HMBOX1: variants seen among roughly 807,000 people sequenced by gnomAD.
HMBOX1 encodes the protein homeobox containing 1, also known as homeobox-containing protein 1.
In HMBOX1, 14 loss-of-function variants were observed where a neutral mutation model predicts 54.5. The ratio of observed to expected loss-of-function variants is 0.26; its 90% confidence interval spans 0.17 to 0.40. HMBOX1 has a LOEUF of 0.40. Among genes scored for constraint, HMBOX1 ranks in the 10% least tolerant of loss-of-function variants. The pLI, the probability that HMBOX1 is intolerant of heterozygous loss-of-function variation, is 1.00. For missense variants in HMBOX1, 332 were observed against 514.4 expected, an observed-to-expected ratio of 0.65 and a Z score of 3.43; for synonymous variants, 160 against 181.0, an observed-to-expected ratio of 0.88 and a Z score of 0.93.
In HMBOX1 at chr8:28,979,757, T is replaced by C. The variant is rs74602934; in HGVS notation, c.501-314T>C. Among the ~76,000 whole-genome samples, 494 of 152,332 alleles carry C rather than the reference T, an allele frequency of 3.2e-3. 3 individuals are homozygous for C. Among genetic ancestry groups the C allele is most frequent in the African/African-American group, 0.011 (469 of 41,572 alleles). On this transcript the variant is annotated intron_variant, in intron 3 of 9. Coordinates refer to ENST00000287701, the MANE Select transcript of HMBOX1 (RefSeq NM_001135726.3). ...TTCATTCCCCAGTAATGAAACTTTG[T>C]ATATACCATATGACAGCCTTGTTCC...
At chr8:29,025,414 G>C (rs1312333718) in intron 6 of HMBOX1, among the ~76,000 whole-genome samples, 1 of 152,180 alleles carries the variant, frequency 6.6e-6, no homozygotes, top group Non-Finnish European at 1.5e-5. Flanking sequence ...TTAGGAATTA[G>C]TCACAGCTTC....
At chr8:28,987,751 C>T (rs969769794) in intron 4 of HMBOX1, among the ~76,000 whole-genome samples, 2 of 152,154 alleles carry the variant, frequency 1.3e-5, no homozygotes, top group African/African-American at 4.8e-5. Context: ...AACCAAACTA[C>T]AGCTGAGGGC....
chr8:28,970,329 A>C lies in HMBOX1; in HGVS notation c.310A>C (p.Ser104Arg). 6.2e-7 allele frequency: 1 copy of C among 1,614,208 alleles called. No homozygotes were observed. Among genetic ancestry groups the C allele is most frequent in the Non-Finnish European group, 8.5e-7 (1 of 1,180,022 alleles). Residue 104 changes from serine (S) to arginine (R), a missense_variant, in exon 3 of 10, where the codon AGT becomes CGT. Transcript: ENST00000287701. The surrounding 1 kb of genome is among the most constrained non-coding windows in gnomAD (Gnocchi z 4.3). ...GGGAATGTCCCCGTCACCTAGCAAC[A>C]GTTATGATACTTCCCCACAGCCTTG... ...HSGMSPSPSN[S>R]YDTSPQPCTT...
Position 28,970,064 on chromosome 8 carries a change from T to C in HMBOX1, c.45T>C (p.His15=), listed in dbSNP as rs1422775367. 6.2e-7 allele frequency: 1 copy of C among 1,611,732 alleles called. No individual in the cohort carries two copies. Among genetic ancestry groups the C allele is most frequent in the Non-Finnish European group, 8.5e-7 (1 of 1,177,944 alleles). ...TTAGTTTGCTGGAAACCATGTCTCA[T>C]TATACAGATGAACCCAGATTTACCA... is the stretch of plus-strand genomic sequence containing the variant. ...FPVVLLETMS[H]YTDEPRFTIE... is the part of the protein sequence containing the mutation. The change falls in exon 3 of 10, where the codon CAT becomes CAC. Residue 15 remains histidine (H), a synonymous_variant. Transcript: ENST00000287701. The surrounding 1 kb of genome is among the most constrained non-coding windows in gnomAD (Gnocchi z 4.3).
chr8:28,986,856 CT>C (rs934430807), intron 4 of HMBOX1, among the ~76,000 whole-genome samples: 4 of 151,910 alleles, frequency 2.6e-5, no homozygotes, highest in Non-Finnish European at 2.9e-5. Context: ...CATGAAGTTA[CT>C]TTTTTTTCCC....
chr8:28,997,275 G>A (rs915985976), intron 4 of HMBOX1, among the ~76,000 whole-genome samples: 2 of 152,094 alleles, frequency 1.3e-5, no homozygotes, highest in African/African-American at 4.8e-5. Context: ...AAGGAAGTTT[G>A]CTTCTATTCT....
chr8:28,915,603 C>G (rs1025891822), intron 1 of HMBOX1: 4 of 150,504 alleles, frequency 2.7e-5, no homozygotes, highest in Non-Finnish European at 4.4e-5. Context: ...GCTCTGTTGC[C>G]CAGGGTGGAG....
chr8:28,945,589 C>T (rs1306982346), intron 1 of HMBOX1, among the ~76,000 whole-genome samples: 1 of 152,124 alleles, frequency 6.6e-6, no homozygotes, highest in Non-Finnish European at 1.5e-5. Flanking sequence ...CTAAGGAGGG[C>T]AGTTGGCACC....
chr8:28,937,885 A>G (rs1820673988), intron 1 of HMBOX1, among the ~76,000 whole-genome samples: 1 of 151,362 alleles, frequency 6.6e-6, no homozygotes, highest in Non-Finnish European at 1.5e-5. Context: ...TATGATACTT[A>G]GTTTTTTCTC....
At chr8:28,936,939 CAA>C in intron 1 of HMBOX1, among the ~76,000 whole-genome samples, 1 of 151,654 alleles carries the variant, frequency 6.6e-6, no homozygotes, top group South Asian at 2.1e-4. Context: ...TCAATTAATA[CAA>C]TTAAAGTACA....
intron 1 of HMBOX1, among the ~76,000 whole-genome samples, chr8:28,934,635 A>G (rs1456158437): frequency 6.6e-6 from 1 of 152,176 alleles, no homozygotes; most frequent in East Asian, 1.9e-4. Flanking sequence ...GAAATAATAT[A>G]CAGAAATTGG....
Position 29,041,467 on chromosome 8 carries a change from G to A in HMBOX1, c.852-3894G>A, listed in dbSNP as rs755499003. ...CAACACTATCATTAGTGGGGAGCGC[G>A]TGTGAGGATGATTCAGACTTGTACC... On this transcript the variant is annotated intron_variant, in intron 6 of 9. Transcript: ENST00000287701. Among the ~76,000 whole-genome samples the A allele has an allele frequency of 7.2e-5, 11 of 152,160 alleles. No individual in the cohort carries two copies. In the East Asian group the frequency reaches 7.7e-4, roughly 11 times the overall value.
chr8:28,913,578 A>G (rs1053233718), intron 1 of HMBOX1, among the ~76,000 whole-genome samples: 11 of 152,176 alleles, frequency 7.2e-5, no homozygotes, highest in African/African-American at 2.7e-4. Flanking sequence ...TATAGTACAC[A>G]TTACAACTTA....
At chr8:28,989,363 A>G (rs1007127052) in intron 4 of HMBOX1, among the ~76,000 whole-genome samples, 4 of 152,088 alleles carry the variant, frequency 2.6e-5, no homozygotes, top group African/African-American at 7.2e-5. Flanking sequence ...TAGCTCTTAC[A>G]TTAGGTCAAT....
At chr8:28,959,132 A>G (rs1004037789) in intron 1 of HMBOX1, among the ~76,000 whole-genome samples, 1 of 151,962 alleles carries the variant, frequency 6.6e-6, no homozygotes, top group African/African-American at 2.4e-5. Context: ...TAATCTCAGC[A>G]TATGATTTTT....
At chr8:28,972,463 GGT>G (rs1563498739) in intron 3 of HMBOX1, among the ~76,000 whole-genome samples, 1 of 152,150 alleles carries the variant, frequency 6.6e-6, no homozygotes, top group Non-Finnish European at 1.5e-5. Context: ...CCAAAGTTCA[GGT>G]GTTGCTTTTG....
At chr8:28,969,459 G>A (rs1022206770) in intron 2 of HMBOX1, among the ~76,000 whole-genome samples, 4 of 151,930 alleles carry the variant, frequency 2.6e-5, no homozygotes, top group South Asian at 2.1e-4. Context: ...ATGAAATGGT[G>A]CTTATTTTTT....
intron 2 of HMBOX1, among the ~76,000 whole-genome samples, chr8:28,969,840 G>A (rs1027038229): frequency 6.6e-6 from 1 of 152,094 alleles, no homozygotes; most frequent in Non-Finnish European, 1.5e-5. Context: ...TAGGTTTTAT[G>A]TTACACCTAT....
intron 1 of HMBOX1, among the ~76,000 whole-genome samples, chr8:28,942,645 A>G (rs948600945): frequency 6.6e-6 from 1 of 151,822 alleles, no homozygotes; most frequent in African/African-American, 2.4e-5. Context: ...GTGTATATTC[A>G]GCTCCTTGTT....
Sources: allele counts gnomAD v4.1 joint callset (sites outside exome capture counted in the v4.1 genomes callset), GRCh38; gene constraint gnomAD v4.1.1; non-coding constraint Gnocchi (gnomAD v3.1); transcripts MANE v1.5; gene names NCBI Gene and HGNC (gene_info 2026-07-23, HGNC 2026-07-21).